Variants in SACM1L observed in about 807,000 individuals in gnomAD.
SACM1L encodes the protein phosphatidylinositol-3-phosphatase SAC1.
Under a neutral mutation model 89.5 loss-of-function variants are expected in SACM1L, and 32 were observed. That is an observed-to-expected ratio of 0.36 (90% CI 0.27 to 0.48). SACM1L has a LOEUF of 0.48. Ranked by LOEUF, SACM1L falls within the 20% of genes least tolerant of loss-of-function variation. The pLI is 0.99. For missense variants in SACM1L, 543 were observed against 708.5 expected, an observed-to-expected ratio of 0.77 and a Z score of 2.65; for synonymous variants, 213 against 232.8, an observed-to-expected ratio of 0.92 and a Z score of 0.77.
At chr3:45,696,717 G>A (rs1485759552) in intron 1 of SACM1L, among the ~76,000 whole-genome samples, 3 of 151,652 alleles carry the variant, frequency 2.0e-5, no homozygotes, top group East Asian at 1.9e-4. Flanking sequence ...TAATGTTTTT[G>A]TAGTGGGCCA....
chr3:45,742,061 A>G (rs1427557222), intron 19 of SACM1L, among the ~76,000 whole-genome samples: 2 of 152,316 alleles, frequency 1.3e-5, no homozygotes, highest in African/African-American at 2.4e-5. Context: ...TGTTGTGACT[A>G]TACCCACATT....
At chr3:45,708,029 C>T (rs138216363) in intron 4 of SACM1L, among the ~76,000 whole-genome samples, 91 of 151,586 alleles carry the variant, frequency 6.0e-4, no homozygotes, top group African/African-American at 2.0e-3. Context: ...ACATCTACAA[C>T]GTAACTATAT....
chr3:45,728,286 G>A (rs1466245117), intron 11 of SACM1L, among the ~76,000 whole-genome samples: 1 of 152,134 alleles, frequency 6.6e-6, no homozygotes, highest in East Asian at 1.9e-4. Context: ...TGCATTTAAA[G>A]TAATTACTGA....
chr3:45,721,158 T>A (rs929887975), intron 8 of SACM1L, among the ~76,000 whole-genome samples: 1 of 152,246 alleles, frequency 6.6e-6, no homozygotes, highest in African/African-American at 2.4e-5. Context: ...TGTGTTTTCA[T>A]TTTGATAATT....
Sources: allele counts gnomAD v4.1 joint callset (sites outside exome capture counted in the v4.1 genomes callset), GRCh38; gene constraint gnomAD v4.1.1; transcripts MANE v1.5; gene names NCBI Gene and HGNC (gene_info 2026-07-23, HGNC 2026-07-21).